Variants in BCAT1 observed in about 807,000 individuals in gnomAD.
BCAT1 encodes the protein branched chain amino acid transaminase 1.
BCAT1 carries 48 observed loss-of-function variants against 52.4 expected under a neutral mutation model. The observed-to-expected ratio is 0.92, with a 90% CI of 0.73 to 1.16. The LOEUF is 1.16. Among genes scored for constraint, BCAT1 ranks in the 50% most tolerant of loss-of-function variants. The pLI, the probability that BCAT1 is intolerant of heterozygous loss-of-function variation, is 0.00. For synonymous variants in BCAT1, 167 were observed against 161.3 expected, an observed-to-expected ratio of 1.04 and a Z score of -0.27; for missense variants, 451 against 457.1, an observed-to-expected ratio of 0.99 and a Z score of 0.12.
rs1939875412 is a variant in BCAT1, at chr12:24,816,364, T to C, written c.*1644A>G. ...GACTGAGGGAAACCAAAATACAATG[T>C]CTGAGAGTTGACCTTCCAAGGAAAA... On this transcript the variant is annotated 3_prime_UTR_variant, in exon 11 of 11. Transcript: ENST00000261192. 2.5e-6 allele frequency: 1 copy of C among 395,918 alleles called. No homozygotes were observed. Among genetic ancestry groups the C allele is most frequent in the Non-Finnish European group, 4.4e-6 (1 of 224,804 alleles). The allele number at this position is 395,918 out of a possible 1,614,324, so 24.5% of individuals were successfully genotyped here. A position where few individuals can be genotyped will look rare whatever the true frequency, so the allele number is the denominator to read the frequency against.
chr12:24,931,725 C>T (rs1300559923), intron 1 of BCAT1, among the ~76,000 whole-genome samples: 1 of 152,162 alleles, frequency 6.6e-6, no homozygotes, highest in Non-Finnish European at 1.5e-5. Context: ...AAAAGTCAGG[C>T]ATGTAAGGAA....
rs148017011 is a variant in BCAT1 at position 24,873,327 on chromosome 12, C to T, written c.510+5203G>A. On this transcript the variant is annotated intron_variant, in intron 5 of 10. Coordinates refer to ENST00000261192, the MANE Select transcript of BCAT1 (RefSeq NM_005504.7). The stretch of plus-strand genomic sequence containing the variant: ...GTAGTTTCTCTTTTAGATTTAACAA[C>T]CCATAAATAAATACTTTAGGAGATA... Among the ~76,000 whole-genome samples, 637 of 152,266 alleles carry T rather than the reference C, an allele frequency of 4.2e-3. 2 individuals are homozygous for T. The highest frequency in any genetic ancestry group is 7.6e-3 in the Non-Finnish European group (516 of 68,012).
intron 1 of BCAT1, among the ~76,000 whole-genome samples, chr12:24,908,159 T>G (rs1318709804): frequency 6.6e-6 from 1 of 152,250 alleles, no homozygotes; most frequent in African/African-American, 2.4e-5. Context: ...TTCATAGAAC[T>G]GCTCTCCCTC....
chr12:24,824,231 T>TTTCC (rs560798912), intron 10 of BCAT1, among the ~76,000 whole-genome samples: 798 of 21,112 alleles, frequency 0.038, 11 homozygotes, highest in African/African-American at 0.074. Context: ...TGAGTTTACA[T>TTTCC]TTCCTTCCTT....
chr12:24,836,813 G>GGAAA (rs1940946678), intron 7 of BCAT1, among the ~76,000 whole-genome samples: 2 of 123,340 alleles, frequency 1.6e-5, no homozygotes, highest in African/African-American at 5.7e-5. Context: ...AAAGAAGGAA[G>GGAAA]GAAGGAAAGA....
chr12:24,835,446 G>T (rs1940874113), intron 8 of BCAT1, among the ~76,000 whole-genome samples: 1 of 151,992 alleles, frequency 6.6e-6, no homozygotes, highest in Admixed American at 6.6e-5. Context: ...TTTAACACCT[G>T]GGTCAAAAGT....
intron 1 of BCAT1, among the ~76,000 whole-genome samples, chr12:24,947,167 C>A (rs1018833268): frequency 5.0e-5 from 7 of 141,150 alleles, no homozygotes; most frequent in Admixed American, 3.6e-4. Flanking sequence ...CGTCTTCCCT[C>A]CACACACACA....
intron 1 of BCAT1, among the ~76,000 whole-genome samples, chr12:24,934,449 G>A (rs1276372215): frequency 1.3e-5 from 2 of 152,216 alleles, no homozygotes; most frequent in African/African-American, 4.8e-5. Context: ...ACCTTGAGCA[G>A]TGTCTGATGC....
chr12:24,892,428 G>A (rs1465709906), intron 3 of BCAT1, among the ~76,000 whole-genome samples: 3 of 152,064 alleles, frequency 2.0e-5, no homozygotes, highest in Non-Finnish European at 4.4e-5. Context: ...GTGGTCCCTG[G>A]AGCGACAAAA....
chr12:24,895,949 C>T (rs1413154420), intron 2 of BCAT1, among the ~76,000 whole-genome samples: 3 of 152,108 alleles, frequency 2.0e-5, no homozygotes, highest in South Asian at 4.1e-4. Flanking sequence ...TCTAGTAATG[C>T]TACTTTGTAA....
At chr12:24,892,854 A>AAAATAAAT (rs57901198) in intron 3 of BCAT1, among the ~76,000 whole-genome samples, 2 of 151,762 alleles carry the variant, frequency 1.3e-5, no homozygotes, top group Non-Finnish European at 2.9e-5. Flanking sequence ...ATCTGTCTGA[A>AAAATAAAT]AAATAAATAA....
At position 24,936,243 on chromosome 12, in the gene BCAT1, C is replaced by CT. The variant is rs528844471; in HGVS notation, c.6+12683dup. Among the ~76,000 whole-genome samples the CT allele has an allele frequency of 3.0e-3, 460 of 152,216 alleles. 3 individuals carry two copies. The highest frequency in any genetic ancestry group is 9.5e-3 in the African/African-American group (396 of 41,552). On this transcript the variant is annotated intron_variant, in intron 1 of 10. Transcript: ENST00000261192. ...TGGCCTGAAATTATACAAAATTATT[C>CT]TTTTTTTCTGACGAAGTCTCACGCT...
intron 1 of BCAT1, among the ~76,000 whole-genome samples, chr12:24,925,824 G>A (rs572284613): frequency 3.3e-5 from 5 of 152,210 alleles, no homozygotes; most frequent in South Asian, 2.1e-4. Context: ...GCTCCTAACC[G>A]GGAGTGATCT....
At chr12:24,936,181 G>A (rs1943750553) in intron 1 of BCAT1, among the ~76,000 whole-genome samples, 1 of 152,160 alleles carries the variant, frequency 6.6e-6, no homozygotes, top group Admixed American at 6.5e-5. Context: ...CTGTATTCGT[G>A]TACTACTGCT....
intron 1 of BCAT1, among the ~76,000 whole-genome samples, chr12:24,940,796 G>A (rs564361177): frequency 6.6e-6 from 1 of 152,280 alleles, no homozygotes; most frequent in South Asian, 2.1e-4. Context: ...CATTTAAATG[G>A]AATAGAACTG....
rs1939937443 is a variant in BCAT1, at chr12:24,817,834, T to C, written c.*174A>G. The C allele has an allele frequency of 4.6e-6, 3 of 649,722 alleles. No homozygotes were observed. In the African/African-American group the frequency reaches 5.4e-5, roughly 12 times the overall value. The allele number at this position is 649,722 out of a possible 1,614,324, so 40.2% of individuals were successfully genotyped here. A position where few individuals can be genotyped will look rare whatever the true frequency, so the allele number is the denominator to read the frequency against. On this transcript the variant is annotated 3_prime_UTR_variant, in exon 11 of 11. Coordinates refer to ENST00000261192, the MANE Select transcript of BCAT1 (RefSeq NM_005504.7). ...CAAGTTATGAAACACCATTTGATGA[T>C]TGCAATTCATTTTCTCTGGCATGAA...
At chr12:24,864,407 ATT>A (rs1486665172) in intron 5 of BCAT1, among the ~76,000 whole-genome samples, 1 of 152,314 alleles carries the variant, frequency 6.6e-6, no homozygotes, top group East Asian at 1.9e-4. Flanking sequence ...GGAAGAAGAT[ATT>A]GAGTCAAGTA....
chr12:24,895,590 A>C (rs1470088085), intron 2 of BCAT1, among the ~76,000 whole-genome samples: 1 of 151,894 alleles, frequency 6.6e-6, no homozygotes, highest in Non-Finnish European at 1.5e-5. Flanking sequence ...AAGAGAAGGA[A>C]CTTTTTGATC....
At chr12:24,823,872 G>A (rs1940257250) in intron 10 of BCAT1, among the ~76,000 whole-genome samples, 1 of 152,186 alleles carries the variant, frequency 6.6e-6, no homozygotes. Context: ...CGTTACAGCA[G>A]TGTGAGAACA....
Sources: gnomAD v4.1 joint callset for allele counts (sites outside exome capture counted in the v4.1 genomes callset) on GRCh38, gnomAD v4.1.1 for gene constraint, MANE v1.5 for transcripts, NCBI Gene and HGNC (gene_info 2026-07-23, HGNC 2026-07-21) for gene names.